Variants in DNM3 observed in about 807,000 individuals in gnomAD.
The protein encoded by DNM3 is dynamin-3.
A neutral mutation model predicts 101.6 loss-of-function variants in DNM3; 47 were observed. That is an observed-to-expected ratio of 0.46 (90% CI 0.37 to 0.59). DNM3 has a LOEUF of 0.59. DNM3 is among the 20% of genes least tolerant of loss of function. The pLI is 0.00. For synonymous variants in DNM3, 385 were observed against 387.9 expected, an observed-to-expected ratio of 0.99 and a Z score of 0.09; for missense variants, 849 against 1,085.7, an observed-to-expected ratio of 0.78 and a Z score of 3.06.
At chr1:172,062,381 G>T (rs2051307836) in intron 10 of DNM3, among the ~76,000 whole-genome samples, 1 of 152,108 alleles carries the variant, frequency 6.6e-6, no homozygotes, top group Non-Finnish European at 1.5e-5. Flanking sequence ...TTCACTCAAG[G>T]TTGGACTTTT....
intron 13 of DNM3, among the ~76,000 whole-genome samples, chr1:172,099,440 C>G (rs1047456142): frequency 4.6e-5 from 7 of 151,988 alleles, no homozygotes; most frequent in African/African-American, 1.5e-4. Flanking sequence ...GAAGCCTGGG[C>G]AAGGGAGGTT....
chr1:172,280,386 A>G (rs1056408443), intron 15 of DNM3, among the ~76,000 whole-genome samples: 1 of 152,162 alleles, frequency 6.6e-6, no homozygotes, highest in Non-Finnish European at 1.5e-5. Context: ...AATCTTTTTT[A>G]AAAAATTTAT....
intron 4 of DNM3, among the ~76,000 whole-genome samples, chr1:172,025,719 G>A (rs1053079135): frequency 1.7e-4 from 26 of 152,298 alleles, no homozygotes; most frequent in Middle Eastern, 3.4e-3. Context: ...GGGCCTGACC[G>A]TTAGAAGGAA....
intron 1 of DNM3, among the ~76,000 whole-genome samples, chr1:171,867,234 A>C (rs2034844950): frequency 6.6e-6 from 1 of 152,236 alleles, no homozygotes; most frequent in African/African-American, 2.4e-5. Flanking sequence ...TGTCTATGTT[A>C]GAGGTGATTG....
chr1:171,978,087 A>G (rs2044511554), intron 2 of DNM3, among the ~76,000 whole-genome samples: 1 of 152,134 alleles, frequency 6.6e-6, no homozygotes, highest in African/African-American at 2.4e-5. Flanking sequence ...TTATTTATTC[A>G]TCAATTCTAC....
chr1:172,068,947 G>C, intron 11 of DNM3, 42 bp downstream of exon 11: 1 of 1,527,678 alleles, frequency 6.5e-7, no homozygotes, highest in Non-Finnish European at 8.9e-7. Context: ...GATTGTGGGA[G>C]GTCGAAGGTC....
intron 2 of DNM3, among the ~76,000 whole-genome samples, chr1:171,933,268 A>C (rs920383939): frequency 3.3e-5 from 5 of 152,208 alleles, no homozygotes; most frequent in African/African-American, 1.2e-4. Flanking sequence ...GGGGGAAAGA[A>C]GCGATCTGGG....
intron 14 of DNM3, among the ~76,000 whole-genome samples, chr1:172,245,766 G>A (rs1264261545): frequency 6.6e-6 from 1 of 152,174 alleles, no homozygotes; most frequent in Non-Finnish European, 1.5e-5. Flanking sequence ...GCCACTGTGG[G>A]AACACTTGGA....
intron 1 of DNM3, among the ~76,000 whole-genome samples, chr1:171,867,222 A>T (rs10798725): frequency 0.75 from 113,781 of 152,152 alleles, 43,237 homozygotes; most frequent in African/African-American, 0.9. Context: ...GAAGAAAACT[A>T]GTGTCTATGT....
intron 14 of DNM3, among the ~76,000 whole-genome samples, chr1:172,252,859 A>G (rs1051227997): frequency 6.6e-6 from 1 of 152,152 alleles, no homozygotes; most frequent in Admixed American, 6.6e-5. Context: ...TTCTTCCTAA[A>G]CAATTGTTTA....
rs192201926 is a variant in DNM3 at position 172,037,213 on chromosome 1, C to A, written c.850-1106C>A. Among the ~76,000 whole-genome samples the A allele has an allele frequency of 7.2e-5, 11 of 152,212 alleles. No individual in the cohort carries two copies. In the East Asian group the frequency reaches 1.7e-3, roughly 24 times the overall value. ...GGTGGGACTGTAAACTAGTTCAACC[C>A]TTGTGGAAGTCAGTGTCTTGATTCC... On this transcript the variant is annotated intron_variant, in intron 6 of 20. Coordinates refer to ENST00000627582, the MANE Select transcript of DNM3 (RefSeq NM_015569.5).
At chr1:171,900,985 C>A (rs1172444182) in intron 1 of DNM3, among the ~76,000 whole-genome samples, 2 of 150,770 alleles carry the variant, frequency 1.3e-5, no homozygotes, top group East Asian at 3.9e-4. Flanking sequence ...TGGTGGCGGG[C>A]GCCTGTAGTC....
At chr1:172,412,727 C>T (rs143174394), downstream of DNM3, 5 of 985,656 alleles carry the variant, frequency 5.1e-6, no homozygotes, top group African/African-American at 7.0e-5. Flanking sequence ...ACCCCTTTTC[C>T]TCATTCTTGT....
chr1:172,338,681 C>A, intron 17 of DNM3: 1 of 354,280 alleles, frequency 2.8e-6, no homozygotes, highest in Non-Finnish European at 5.6e-6. Context: ...CCACAGCCCA[C>A]CAGGTGCGCC....
At chr1:172,255,710 T>G (rs114949602) in intron 15 of DNM3, among the ~76,000 whole-genome samples, 1 of 152,122 alleles carries the variant, frequency 6.6e-6, no homozygotes, top group Non-Finnish European at 1.5e-5. Context: ...CATTGTCTTC[T>G]CCTTTGAAAT....
intron 14 of DNM3, among the ~76,000 whole-genome samples, chr1:172,197,624 C>A (rs987025927): frequency 1.1e-4 from 16 of 152,048 alleles, no homozygotes; most frequent in African/African-American, 3.9e-4. Context: ...ATATCTTTCA[C>A]CTCCCTGATT....
intron 1 of DNM3, among the ~76,000 whole-genome samples, chr1:171,906,892 C>T (rs537134558): frequency 2.0e-5 from 3 of 152,180 alleles, no homozygotes; most frequent in South Asian, 2.1e-4. Context: ...TTTAGAGAGA[C>T]GATGTAAAAT....
chr1:171,972,963 A>G (rs1477842976), intron 2 of DNM3, among the ~76,000 whole-genome samples: 1 of 152,186 alleles, frequency 6.6e-6, no homozygotes, highest in Non-Finnish European at 1.5e-5. Flanking sequence ...TATTTGCACA[A>G]TTCTGTGTAT....
At chr1:172,081,799 G>T in intron 11 of DNM3, 33 bp from the exon 12 acceptor site, 1 of 1,570,572 alleles carries the variant, frequency 6.4e-7, no homozygotes. Context: ...TTTTAGATGG[G>T]TTTTCACTGA....
Sources: allele counts gnomAD v4.1 joint callset (sites outside exome capture counted in the v4.1 genomes callset), GRCh38; gene constraint gnomAD v4.1.1; transcripts MANE v1.5; gene names NCBI Gene and HGNC (gene_info 2026-07-23, HGNC 2026-07-21).